Variants in NPHP1 observed in about 807,000 individuals in gnomAD.
The protein encoded by NPHP1 is nephrocystin 1.
A neutral mutation model predicts 90.4 loss-of-function variants in NPHP1; 70 were observed. The ratio of observed to expected loss-of-function variants is 0.77; its 90% CI spans 0.64 to 0.95. The LOEUF (loss-of-function observed/expected upper bound fraction) is 0.95. Ranked by LOEUF, NPHP1 falls within the 40% of genes least tolerant of loss-of-function variation. NPHP1 has a pLI of 0.00. For synonymous variants in NPHP1, 256 were observed against 271.7 expected, an observed-to-expected ratio of 0.94 and a Z score of 0.57; for missense variants, 764 against 795.9, an observed-to-expected ratio of 0.96 and a Z score of 0.48.
At chr2:110,146,648 C>A in intron 14 of NPHP1, 105 bp downstream of exon 14, 1 of 844,276 alleles carries the variant, frequency 1.2e-6, no homozygotes, top group East Asian at 2.5e-5. Context: ...AGTCCTCTCC[C>A]CAAAAGTTAT....
chr2:110,145,436 G>A (rs1232540425), intron 14 of NPHP1, among the ~76,000 whole-genome samples: 7 of 151,948 alleles, frequency 4.6e-5, no homozygotes, highest in South Asian at 4.2e-4. Context: ...GATTACAGGC[G>A]TGTGCCACCA....
At position 110,146,756 on chromosome 2, in the gene NPHP1, G is replaced by T. The variant is rs1400723671; in HGVS notation, c.1349C>A (p.Ala450Glu). The T allele has an allele frequency of 1.9e-6, 3 of 1,608,554 alleles. No homozygotes were observed. The highest frequency in any genetic ancestry group is 2.6e-6 in the Non-Finnish European group (3 of 1,174,976). The change falls in exon 14 of 20, where the codon GCA becomes GAA. Residue 450 changes from alanine (A) to glutamate (E), a missense_variant. Physicochemically the swap from Ala to Glu is moderately radical, Grantham distance 107. Transcript: ENST00000445609. ...TAGGAATATATAGCCAACTTACTTT[G>T]CTGGAATAGGAACTCCACTGGCATC... ...LFDASGVPIP[A>E]KTYELFLNGG...
intron 2 of NPHP1, chr2:110,184,985 T>C: frequency 1.6e-6 from 1 of 626,194 alleles, no homozygotes; most frequent in Non-Finnish European, 3.1e-6. Context: ...CTTGGGAGGC[T>C]CTACCTTGTT....
At chr2:110,158,030 C>A (rs992038003) in intron 11 of NPHP1, among the ~76,000 whole-genome samples, 1 of 152,134 alleles carries the variant, frequency 6.6e-6, no homozygotes, top group Non-Finnish European at 1.5e-5. Flanking sequence ...AAAATATTTT[C>A]TAATTTCCCA....
intron 4 of NPHP1, among the ~76,000 whole-genome samples, chr2:110,176,109 T>C (rs977939270): frequency 2.0e-5 from 3 of 152,116 alleles, no homozygotes; most frequent in African/African-American, 7.2e-5. Flanking sequence ...AATCTTTTCC[T>C]ATAAATTATT....
chr2:110,197,430 C>T lies in NPHP1; in HGVS notation c.143+3991G>A, dbSNP rs1326340015. ...ACCTCCCCAAAAGCCCCTTTCCCAC[C>T]CTTCCTCTTTGCTGGCAGTCAGCTT... On this transcript the variant is annotated intron_variant, in intron 2 of 19. Coordinates refer to ENST00000445609, the MANE Select transcript of NPHP1 (RefSeq NM_001128178.3). Among the ~76,000 whole-genome samples the T allele has an allele frequency of 2.0e-5, 3 of 152,108 alleles. 1 individual carries two copies. The highest frequency in any genetic ancestry group is 4.4e-5 in the Non-Finnish European group (3 of 68,010).
chr2:110,130,308 G>T (rs574005728), intron 17 of NPHP1, among the ~76,000 whole-genome samples: 2 of 152,140 alleles, frequency 1.3e-5, no homozygotes, highest in Non-Finnish European at 2.9e-5. Flanking sequence ...TCATTCTTTA[G>T]ATATTATTAG....
chr2:110,137,210 C>T (rs917287556), intron 16 of NPHP1, among the ~76,000 whole-genome samples: 1 of 152,072 alleles, frequency 6.6e-6, no homozygotes, highest in African/African-American at 2.4e-5. Context: ...AGACCTAAAA[C>T]CATAAAAACC....
intron 2 of NPHP1, among the ~76,000 whole-genome samples, chr2:110,190,218 C>A (rs368170559): frequency 7.2e-5 from 11 of 152,324 alleles, no homozygotes; most frequent in Middle Eastern, 3.4e-3. Flanking sequence ...CTGCCAGTCC[C>A]ACACCGTGCG....
rs776440220 is a variant in NPHP1 at position 110,146,804 on chromosome 2, C to A, written c.1301G>T (p.Gly434Val). The change falls in exon 14 of 20, where the codon GGC becomes GTC. Residue 434 changes from glycine to valine, a missense_variant. Gly to Val is a moderately radical substitution (Grantham distance 109, BLOSUM62 -3). Transcript: ENST00000445609. ...ATCAAAAAGTTTAAGAAACACCCAG[C>A]CACAGCTTAACTCTCCTCTTTCACC... is the stretch of plus-strand genomic sequence containing the variant. ...STGERGELSC[G>V]WVFLKLFDAS... 6.2e-7 allele frequency: 1 copy of A among 1,613,586 alleles called. No individual in the cohort carries two copies. The highest frequency in any genetic ancestry group is 8.5e-7 in the Non-Finnish European group (1 of 1,179,574).
intron 2 of NPHP1, among the ~76,000 whole-genome samples, chr2:110,192,383 G>A (rs968356326): frequency 2.0e-5 from 3 of 152,084 alleles, no homozygotes; most frequent in Admixed American, 6.5e-5. Flanking sequence ...TAGCTGATTC[G>A]ATCAACTGGA....
Position 110,133,805 on chromosome 2 carries a change from G to C in NPHP1, c.1530-2014C>G, listed in dbSNP as rs138755812. Among the ~76,000 whole-genome samples, 202 of 151,914 alleles carry C rather than the reference G, an allele frequency of 1.3e-3. 1 individual carries two copies. Among genetic ancestry groups the C allele is most frequent in the African/African-American group, 4.8e-3 (199 of 41,474 alleles). On this transcript the variant is annotated intron_variant, in intron 16 of 19. Coordinates refer to ENST00000445609, the MANE Select transcript of NPHP1 (RefSeq NM_001128178.3). ...CAATGGCTCAAAGAAGAAATCTCAA[G>C]AGAAACTAGAAAATATCTTGAGAAA...
intron 4 of NPHP1, among the ~76,000 whole-genome samples, chr2:110,171,687 G>C (rs999579724): frequency 1.3e-5 from 2 of 152,010 alleles, no homozygotes; most frequent in East Asian, 3.9e-4. Context: ...ACTTGATAAC[G>C]GTTTTTCCCC....
intron 4 of NPHP1, among the ~76,000 whole-genome samples, chr2:110,173,502 T>C (rs1683307240): frequency 6.6e-6 from 1 of 152,286 alleles, no homozygotes; most frequent in Admixed American, 6.5e-5. Context: ...ATGGGCCACA[T>C]ATACAATGAT....
rs551696288 is a variant in NPHP1 at position 110,180,122 on chromosome 2, A to G, written c.144-438T>C. Among the ~76,000 whole-genome samples, 4 of 152,280 alleles carry G rather than the reference A, an allele frequency of 2.6e-5. No homozygotes were observed. In the East Asian group the frequency reaches 7.7e-4, roughly 29 times the overall value. ...AACAACCCTCACTCCACTTAAAGAA[A>G]GAGAAGTTCTACATAGCTTCTCAAG... On this transcript the variant is annotated intron_variant, in intron 2 of 19. Transcript: ENST00000445609.
chr2:110,127,688 G>C (rs1679465666), intron 18 of NPHP1: 1 of 152,086 alleles, frequency 6.6e-6, no homozygotes, highest in Non-Finnish European at 1.5e-5. Flanking sequence ...CTGACCCGCA[G>C]GGACAGCCCC....
chr2:110,195,043 C>G (rs537117523), intron 2 of NPHP1, among the ~76,000 whole-genome samples: 2 of 152,194 alleles, frequency 1.3e-5, no homozygotes, highest in Non-Finnish European at 2.9e-5. Context: ...AAACCCACAG[C>G]CAATATCATA....
At chr2:110,128,552 C>G (rs929869694) in intron 18 of NPHP1, 3 of 153,450 alleles carry the variant, frequency 2.0e-5, no homozygotes, top group African/African-American at 2.4e-5. Context: ...CTCTCTCATG[C>G]AGGACCTCTC....
chr2:110,123,897 T>C lies in NPHP1; in HGVS notation c.1928A>G (p.Gln643Arg), dbSNP rs1405474803. ...TDFLKQNQEN[Q>R]GALQALLSPD... ...TGACAGCAGAGCTTGGAGGGCGCCC[T>C]GGTTTTCTTGGTTTTGCTTAAGGAA... The change falls in exon 20 of 20, where the codon CAG (glutamine) becomes CGG (arginine). Residue 643 changes from glutamine to arginine, a missense_variant. Coordinates refer to ENST00000445609, the MANE Select transcript of NPHP1 (RefSeq NM_001128178.3). The C allele has an allele frequency of 1.2e-6, 2 of 1,614,026 alleles. No individual in the cohort carries two copies. Among genetic ancestry groups the C allele is most frequent in the African/African-American group, 2.7e-5 (2 of 74,918 alleles).
Sources: gnomAD v4.1 joint callset for allele counts (sites outside exome capture counted in the v4.1 genomes callset) on GRCh38, gnomAD v4.1.1 for gene constraint, MANE v1.5 for transcripts, NCBI Gene and HGNC (gene_info 2026-07-23, HGNC 2026-07-21) for gene names.